PTPRT: variants seen among roughly 807,000 people sequenced by gnomAD.
PTPRT encodes the protein receptor-type tyrosine-protein phosphatase T.
In PTPRT, 56 loss-of-function variants were observed where a neutral mutation model predicts 176.8. The observed-to-expected ratio is 0.32, with a 90% CI of 0.26 to 0.40. The LOEUF (loss-of-function observed/expected upper bound fraction) is 0.40. PTPRT is among the 10% of genes least tolerant of loss of function. PTPRT has a pLI of 1.00. For synonymous variants in PTPRT, 783 were observed against 739.0 expected, an observed-to-expected ratio of 1.06 and a Z score of -0.96; for missense variants, 1,540 against 1,908.2, an observed-to-expected ratio of 0.81 and a Z score of 3.60.
At chr20:42,052,635 A>G in the PTPRT span, among the ~76,000 whole-genome samples, 6 of 152,186 alleles carry the variant, frequency 3.9e-5, no homozygotes, top group Admixed American at 3.9e-4. Context: ...CACCAGGAGT[A>G]GGGTTGAGAA....
chr20:42,218,390 T>C (rs1027039641), intron 15 of PTPRT, among the ~76,000 whole-genome samples: 5 of 152,236 alleles, frequency 3.3e-5, no homozygotes, highest in Non-Finnish European at 5.9e-5. Flanking sequence ...TCCATTATTG[T>C]TATCAGAGTG....
At chr20:42,378,982 G>A (rs1330899144) in intron 9 of PTPRT, among the ~76,000 whole-genome samples, 1 of 152,220 alleles carries the variant, frequency 6.6e-6, no homozygotes, top group Non-Finnish European at 1.5e-5. Flanking sequence ...GCTCCAGCAA[G>A]TCTCCAAGGC....
chr20:42,274,180 G>T (rs2147015823), intron 13 of PTPRT, among the ~76,000 whole-genome samples: 1 of 152,316 alleles, frequency 6.6e-6, no homozygotes, highest in Non-Finnish European at 1.5e-5. Context: ...TTGCAGTTGG[G>T]CTGTTGTCAT....
chr20:43,156,072 T>G (rs1006283586), intron 1 of PTPRT, among the ~76,000 whole-genome samples: 2 of 152,200 alleles, frequency 1.3e-5, no homozygotes, highest in African/African-American at 4.8e-5. Flanking sequence ...ACATTGAACT[T>G]CCCTGAAATT....
intron 7 of PTPRT, among the ~76,000 whole-genome samples, chr20:42,660,592 A>G (rs2075205476): frequency 6.6e-6 from 1 of 152,120 alleles, no homozygotes; most frequent in Non-Finnish European, 1.5e-5. Flanking sequence ...TTGTGTGTAT[A>G]TTTTTATGAT....
chr20:42,611,762 C>G (rs1203581358), intron 7 of PTPRT, among the ~76,000 whole-genome samples: 1 of 152,180 alleles, frequency 6.6e-6, no homozygotes, highest in African/African-American at 2.4e-5. Context: ...GGGTGAGAGC[C>G]AGCCCAGACT....
In PTPRT at chr20:42,496,136, A is replaced by C. The variant is rs554633385; in HGVS notation, c.1154-23574T>G. On this transcript the variant is annotated intron_variant, in intron 7 of 30. Coordinates refer to ENST00000373187, the MANE Select transcript of PTPRT (RefSeq NM_007050.6). ...GAAGTGGATCATCATAAAGCTCTTCATTTTCATTGTCTTCCTATTGACTGG... is the reference window on the plus strand; with the variant it reads ...GAAGTGGATCATCATAAAGCTCTTCCTTTTCATTGTCTTCCTATTGACTGG... Among the ~76,000 whole-genome samples the C allele has an allele frequency of 4.5e-4, 68 of 152,182 alleles. 1 individual carries two copies. In the East Asian group the frequency reaches 0.012, roughly 27 times the overall value.
chr20:42,922,186 G>A (rs1016987058), intron 1 of PTPRT, among the ~76,000 whole-genome samples: 16 of 152,010 alleles, frequency 1.1e-4, no homozygotes, highest in African/African-American at 3.9e-4. Context: ...CACCCACCTT[G>A]GCCTCCCAAA....
At chr20:42,492,377 C>T (rs2071574964) in intron 7 of PTPRT, among the ~76,000 whole-genome samples, 1 of 152,144 alleles carries the variant, frequency 6.6e-6, no homozygotes, top group Non-Finnish European at 1.5e-5. Flanking sequence ...TTTATATGAG[C>T]CATTCAGATA....
At chr20:42,380,911 T>A (rs563013478) in intron 9 of PTPRT, among the ~76,000 whole-genome samples, 1 of 152,174 alleles carries the variant, frequency 6.6e-6, no homozygotes, top group East Asian at 1.9e-4. Context: ...AGCATGATGT[T>A]GCCATCTGCT....
intron 14 of PTPRT, among the ~76,000 whole-genome samples, chr20:42,242,130 T>C (rs946808729): frequency 6.6e-6 from 1 of 152,172 alleles, no homozygotes; most frequent in Non-Finnish European, 1.5e-5. Flanking sequence ...CAAAACAAAA[T>C]TTTGTGGCAA....
chr20:43,023,160 A>T (rs1349160971), intron 1 of PTPRT, among the ~76,000 whole-genome samples: 1 of 152,236 alleles, frequency 6.6e-6, no homozygotes, highest in East Asian at 1.9e-4. Context: ...TGTGTGTAAC[A>T]TCGAGTCTGC....
chr20:42,046,098 G>A, the PTPRT span, among the ~76,000 whole-genome samples: 7 of 152,332 alleles, frequency 4.6e-5, no homozygotes, highest in South Asian at 4.1e-4. Flanking sequence ...CCGCCTCTGC[G>A]TTGGTCTGGT....
At chr20:42,497,599 T>G (rs2145404268) in intron 7 of PTPRT, among the ~76,000 whole-genome samples, 1 of 152,260 alleles carries the variant, frequency 6.6e-6, no homozygotes, top group East Asian at 1.9e-4. Context: ...TTGACATTTT[T>G]TTAAACGAAA....
At chr20:42,493,698 A>T (rs1040119889) in intron 7 of PTPRT, among the ~76,000 whole-genome samples, 2 of 152,140 alleles carry the variant, frequency 1.3e-5, no homozygotes, top group Non-Finnish European at 2.9e-5. Context: ...GTCAGAGGGA[A>T]GAAGTGGTGT....
intron 13 of PTPRT, among the ~76,000 whole-genome samples, 192 bp from the exon 14 acceptor site, chr20:42,249,014 A>G (rs781241942): frequency 6.6e-6 from 1 of 152,246 alleles, no homozygotes; most frequent in Non-Finnish European, 1.5e-5. Flanking sequence ...GATTATCATT[A>G]GATTCTTTTG....
intron 7 of PTPRT, among the ~76,000 whole-genome samples, chr20:42,609,471 T>C (rs2073937528): frequency 6.6e-6 from 1 of 152,326 alleles, no homozygotes; most frequent in African/African-American, 2.4e-5. Context: ...ATGACAAAAC[T>C]GAAGCCACGA....
intron 27 of PTPRT, among the ~76,000 whole-genome samples, chr20:42,089,443 C>A (rs568176336): frequency 6.6e-6 from 1 of 152,244 alleles, no homozygotes; most frequent in African/African-American, 2.4e-5. Context: ...CCTATTATCC[C>A]CAATATCTTC....
chr20:42,497,967 T>C (rs1293337832), intron 7 of PTPRT, among the ~76,000 whole-genome samples: 3 of 142,436 alleles, frequency 2.1e-5, no homozygotes, highest in African/African-American at 3.1e-5. Flanking sequence ...CAATCTAGGG[T>C]ACATATCAAG....
Sources: gnomAD v4.1 joint callset for allele counts (sites outside exome capture counted in the v4.1 genomes callset) on GRCh38, gnomAD v4.1.1 for gene constraint, MANE v1.5 for transcripts, NCBI Gene and HGNC (gene_info 2026-07-23, HGNC 2026-07-21) for gene names.